Variants in ZGRF1 observed in about 807,000 individuals in gnomAD.
ZGRF1 encodes the protein zinc finger GRF-type containing 1.
In ZGRF1, 196 loss-of-function variants were observed where a neutral mutation model predicts 203.5. The ratio of observed to expected loss-of-function variants is 0.96; its 90% CI spans 0.86 to 1.08. ZGRF1 has a LOEUF of 1.08. Among genes scored for constraint, ZGRF1 ranks in the 50% least tolerant of loss-of-function variants. The pLI is 0.00. For synonymous variants in ZGRF1, 809 were observed against 841.3 expected (o/e 0.96, Z 0.66); for missense variants, 2,326 against 2,416.3 (o/e 0.96, Z 0.78).
At chr4:112,563,761 T>C (rs1192185133) in intron 16 of ZGRF1, among the ~76,000 whole-genome samples, 2 of 152,224 alleles carry the variant, frequency 1.3e-5, no homozygotes, top group Non-Finnish European at 2.9e-5. Flanking sequence ...GAGAAATGTA[T>C]TTCTCATAGC....
In ZGRF1 at chr4:112,618,665, A is replaced by G. The variant is rs751455765; in HGVS notation, c.1377T>C (p.Ala459=). 1 of 1,613,044 alleles carries G rather than the reference A, an allele frequency of 6.2e-7. No homozygotes were observed. The highest frequency in any genetic ancestry group is 8.5e-7 in the Non-Finnish European group (1 of 1,179,760). The change falls in exon 6 of 28, where the codon GCT becomes GCC. Residue 459 remains alanine (A), a synonymous_variant. Transcript: ENST00000505019. ...GTGTTCCACATGTATTTACCTCCTGAGCATTTTCTTTAATGAGAACTGATC... is the reference window on the plus strand; with the variant it reads ...GTGTTCCACATGTATTTACCTCCTGGGCATTTTCTTTAATGAGAACTGATC... ...IKGSVLIKEN[A]QEVNTCGTLE... is the part of the protein sequence containing the mutation.
chr4:112,633,077 A>G, intron 2 of ZGRF1, 79 bp downstream of exon 2: 1 of 1,284,766 alleles, frequency 7.8e-7, no homozygotes, highest in Non-Finnish European at 1.1e-6. Flanking sequence ...CAACACAGCA[A>G]GATGTTTGTG....
In ZGRF1 at chr4:112,539,891, A is replaced by G. The variant is rs1370388191; in HGVS notation, c.6144T>C (p.Leu2048=). 14 of 1,613,722 alleles carry G rather than the reference A, an allele frequency of 8.7e-6. No homozygotes were observed. Among genetic ancestry groups the G allele is most frequent in the Non-Finnish European group, 1.0e-5 (12 of 1,179,806 alleles). ...CGCAGTGTTGGATCACTCGTCCCCA[A>G]AGTTGATTTTTCCTCAAACAGGCTA... ...GNLACLRKNQ[L]WGRVIQHCEG... is the part of the protein sequence containing the mutation. Residue 2048 remains leucine, a synonymous_variant, in exon 27 of 28, where the codon CTT becomes CTC. Transcript: ENST00000505019.
chr4:112,633,039 T>G, intron 2 of ZGRF1, 117 bp downstream of exon 2: 2 of 904,628 alleles, frequency 2.2e-6, no homozygotes. Flanking sequence ...GAGTAGCCTG[T>G]TTTTTGTTTT....
chr4:112,556,642 C>T (rs552633119), intron 20 of ZGRF1, among the ~76,000 whole-genome samples: 68 of 152,294 alleles, frequency 4.5e-4, no homozygotes, highest in Non-Finnish European at 9.4e-4. Flanking sequence ...GATCTGCCCA[C>T]CTCAGCCTCC....
At chr4:112,572,659 A>T (rs1027064272) in intron 16 of ZGRF1, among the ~76,000 whole-genome samples, 1 of 152,246 alleles carries the variant, frequency 6.6e-6, no homozygotes, top group East Asian at 1.9e-4. Context: ...TACATCTGAC[A>T]AACGATTAAC....
intron 16 of ZGRF1, among the ~76,000 whole-genome samples, chr4:112,579,051 C>CA (rs1275356290): frequency 8.1e-6 from 1 of 123,090 alleles, no homozygotes; most frequent in South Asian, 3.0e-4. Flanking sequence ...AATCCAGCAG[C>CA]ACATCATAAA....
chr4:112,605,328 T>C lies in ZGRF1; in HGVS notation c.2802+680A>G, dbSNP rs564163602. On this transcript the variant is annotated intron_variant, in intron 9 of 27. Transcript: ENST00000505019. Reference sequence around the variant, plus strand: ...GGTGTGTACCACCACACCCAGCTAGTTTTTGTATTTTTAGTAGAAACGGGG... The same window carrying C: ...GGTGTGTACCACCACACCCAGCTAGCTTTTGTATTTTTAGTAGAAACGGGG... 1.6e-4 allele frequency among the ~76,000 whole-genome samples: 24 copies of C among 152,112 alleles called. 1 individual carries two copies. Among genetic ancestry groups the C allele is most frequent in the Admixed American group, 1.4e-3 (22 of 15,272 alleles).
rs773492843 is a variant in ZGRF1, at chr4:112,587,610, A to G, written c.3447T>C (p.Tyr1149=). The change falls in exon 12 of 28, where the codon TAT becomes TAC. Residue 1149 remains tyrosine, a synonymous_variant. Coordinates refer to ENST00000505019, the MANE Select transcript of ZGRF1 (RefSeq NM_018392.5). The part of the protein sequence containing the change: ...NISTQSKWLK[Y]QNTSQCNVAT... ...CCACGTTGCATTGGGATGTGTTTTG[A>G]TATTTCAGCCACTTGCTCTGAGTAG... The G allele has an allele frequency of 3.7e-6, 6 of 1,613,750 alleles. No individual in the cohort carries two copies. The highest frequency in any genetic ancestry group is 4.5e-5 in the East Asian group (2 of 44,890).
In ZGRF1 at chr4:112,570,051, GCAGA is replaced by G. The variant is rs556692466; in HGVS notation, c.4439-6781_4439-6778del. Among the ~76,000 whole-genome samples the G allele has an allele frequency of 2.8e-3, 421 of 152,088 alleles. 2 individuals are homozygous for G. Among genetic ancestry groups the G allele is most frequent in the African/African-American group, 9.6e-3 (399 of 41,494 alleles). On this transcript the variant is annotated intron_variant, in intron 16 of 27. Coordinates refer to ENST00000505019, the MANE Select transcript of ZGRF1 (RefSeq NM_018392.5). ...TATAAGATGCAAAAAGTAATAAATA[GCAGA>G]CAGAGAGTGCACCACAGAGGAAGTT...
At chr4:112,622,705 G>A (rs1309301435) in intron 4 of ZGRF1, among the ~76,000 whole-genome samples, 3 of 152,052 alleles carry the variant, frequency 2.0e-5, no homozygotes, top group Non-Finnish European at 4.4e-5. Flanking sequence ...AATGAACCCA[G>A]AATGACCAAC....
chr4:112,544,843 T>C (rs895403341), intron 24 of ZGRF1, among the ~76,000 whole-genome samples: 1 of 152,176 alleles, frequency 6.6e-6, no homozygotes. Context: ...CTTGTACATG[T>C]GCTCAACTGA....
Position 112,599,260 on chromosome 4 carries a change from T to C in ZGRF1, c.2976+4264A>G, listed in dbSNP as rs762607632. 7.0e-4 allele frequency among the ~76,000 whole-genome samples: 107 copies of C among 152,182 alleles called. 1 individual carries two copies. Among genetic ancestry groups the C allele is most frequent in the Non-Finnish European group, 9.0e-4 (61 of 68,042 alleles). Reference sequence around the variant, plus strand: ...AAATATTTTTATAATATTGAAAATTTATCAATAACATATTATAAAAATGTT... The same window carrying C: ...AAATATTTTTATAATATTGAAAATTCATCAATAACATATTATAAAAATGTT... On this transcript the variant is annotated intron_variant, in intron 10 of 27. Transcript: ENST00000505019.
chr4:112,553,092 A>T (rs1740261608), intron 22 of ZGRF1, among the ~76,000 whole-genome samples: 1 of 152,248 alleles, frequency 6.6e-6, no homozygotes, highest in Admixed American at 6.5e-5. Flanking sequence ...TAGCTGATCA[A>T]TACAGTGTCC....
At chr4:112,594,404 A>T (rs1186640816) in intron 10 of ZGRF1, among the ~76,000 whole-genome samples, 13 of 150,188 alleles carry the variant, frequency 8.7e-5, no homozygotes, top group African/African-American at 3.2e-4. Context: ...ATATTTTCTA[A>T]TTGGTTAGGA....
At position 112,620,021 on chromosome 4, in the gene ZGRF1, C is replaced by T. The variant is rs749768778; in HGVS notation, c.332G>A (p.Gly111Asp). The T allele has an allele frequency of 1.9e-6, 3 of 1,584,910 alleles. No homozygotes were observed. The highest frequency in any genetic ancestry group is 2.6e-6 in the Non-Finnish European group (3 of 1,170,546). ...SGRSLGCQPSGLKRKFTGFQG... is the reference protein window; with the variant it reads ...SGRSLGCQPSDLKRKFTGFQG... The stretch of plus-strand genomic sequence containing the variant: ...ACTTACAGTAAACTTCCTTTTTAAG[C>T]CAGAGGGCTGACATCCAAGAGATCG... Residue 111 changes from glycine to aspartate, a missense_variant, in exon 5 of 28, where the codon GGC becomes GAC. Physicochemically the swap from Gly to Asp is moderately conservative, Grantham distance 94. Coordinates refer to ENST00000505019, the MANE Select transcript of ZGRF1 (RefSeq NM_018392.5).
At chr4:112,622,981 C>T (rs933679684) in intron 4 of ZGRF1, among the ~76,000 whole-genome samples, 14 of 152,110 alleles carry the variant, frequency 9.2e-5, no homozygotes, top group African/African-American at 1.7e-4. Context: ...ACCCTCTCTC[C>T]GTTTCTCAGT....
intron 1 of ZGRF1, among the ~76,000 whole-genome samples, chr4:112,635,038 G>A (rs960408582): frequency 3.3e-5 from 5 of 151,152 alleles, no homozygotes; most frequent in South Asian, 2.1e-4. Context: ...GCTGAGGCAG[G>A]AGAATTGCTT....
At chr4:112,607,207 C>G (rs997734675) in intron 8 of ZGRF1, among the ~76,000 whole-genome samples, 1 of 152,122 alleles carries the variant, frequency 6.6e-6, no homozygotes, top group Non-Finnish European at 1.5e-5. Context: ...TCACTGAAGC[C>G]TTGACCTCTG....
Sources: gnomAD v4.1 joint callset for allele counts (sites outside exome capture counted in the v4.1 genomes callset) on GRCh38, gnomAD v4.1.1 for gene constraint, MANE v1.5 for transcripts, NCBI Gene and HGNC (gene_info 2026-07-23, HGNC 2026-07-21) for gene names.